OR10J1: variants seen among roughly 807,000 people sequenced by gnomAD.
OR10J1 encodes the protein olfactory receptor 10J1.
For missense variants in OR10J1, 474 were observed against 376.6 expected, an observed-to-expected ratio of 1.26 and a Z score of -2.14; for synonymous variants, 202 against 143.8, an observed-to-expected ratio of 1.40 and a Z score of -2.89.
chr1:159,435,852 G>T (rs966201886), upstream of OR10J1, among the ~76,000 whole-genome samples: 22 of 152,128 alleles, frequency 1.4e-4, no homozygotes, highest in Non-Finnish European at 1.3e-4. Context: ...TGGCTGTTTT[G>T]CCAGCTTTGT....
At chr1:159,439,684 G>A, upstream of OR10J1, 1 of 1,359,428 alleles carries the variant, frequency 7.4e-7, no homozygotes. Flanking sequence ...CACCAGATTT[G>A]TAACTGAGAA....
chr1:159,408,929 T>C, the OR10J1 span, among the ~76,000 whole-genome samples: 1 of 152,064 alleles, frequency 6.6e-6, no homozygotes, highest in African/African-American at 2.4e-5. Flanking sequence ...TTAAAGAGGC[T>C]GAGTCCTTGG....
the OR10J1 span, among the ~76,000 whole-genome samples, chr1:159,414,399 A>C: frequency 6.6e-6 from 1 of 152,046 alleles, no homozygotes; most frequent in Non-Finnish European, 1.5e-5. Flanking sequence ...AGTTCCATCC[A>C]TGTTGCTTCA....
the OR10J1 span, among the ~76,000 whole-genome samples, chr1:159,409,659 C>G: frequency 6.6e-6 from 1 of 151,996 alleles, no homozygotes; most frequent in Non-Finnish European, 1.5e-5. Flanking sequence ...CTAATCTATC[C>G]ATAATGATAA....
the OR10J1 span, among the ~76,000 whole-genome samples, chr1:159,430,013 C>T: frequency 2.0e-5 from 3 of 152,098 alleles, no homozygotes; most frequent in East Asian, 1.9e-4. Flanking sequence ...CATTTCAGGA[C>T]TTGATGCAGG....
rs1433519631 is a variant in OR10J1 at position 159,440,482 on chromosome 1, G to A, written c.691G>A (p.Glu231Lys). 6.2e-7 allele frequency: 1 copy of A among 1,614,100 alleles called. No individual in the cohort carries two copies. Among genetic ancestry groups the A allele is most frequent in the Non-Finnish European group, 8.5e-7 (1 of 1,180,020 alleles). The change falls in exon 1 of 1, where the codon GAG becomes AAG. Residue 231 changes from glutamate (E) to lysine (K), a missense_variant. Glu to Lys is a moderately conservative substitution (Grantham distance 56, BLOSUM62 1). Coordinates refer to ENST00000423932, the MANE Select transcript of OR10J1 (RefSeq NM_012351.3). ...TACAATCCTCAAGATTGCTTCAGTTGAGGGCCGGAAGAAGGCTTTTGCCAC... is the reference window on the plus strand; with the variant it reads ...TACAATCCTCAAGATTGCTTCAGTTAAGGGCCGGAAGAAGGCTTTTGCCAC... ...ISTILKIASV[E>K]GRKKAFATCA...
the OR10J1 span, among the ~76,000 whole-genome samples, chr1:159,425,915 A>G: frequency 6.6e-6 from 1 of 152,034 alleles, no homozygotes; most frequent in African/African-American, 2.4e-5. Context: ...TGCCTCCAAA[A>G]GGCAAGAATT....
At chr1:159,414,381 T>C in the OR10J1 span, among the ~76,000 whole-genome samples, 2 of 152,110 alleles carry the variant, frequency 1.3e-5, no homozygotes, top group Admixed American at 6.6e-5. Context: ...TTTCACTTAA[T>C]GACCTCCAGT....
chr1:159,420,670 G>A, the OR10J1 span, among the ~76,000 whole-genome samples: 1 of 151,834 alleles, frequency 6.6e-6, no homozygotes, highest in Non-Finnish European at 1.5e-5. Flanking sequence ...ACTTTGTTAG[G>A]CATAAAATCC....
the OR10J1 span, among the ~76,000 whole-genome samples, chr1:159,416,000 TA>T: frequency 6.6e-6 from 1 of 152,040 alleles, no homozygotes; most frequent in Admixed American, 6.6e-5. Flanking sequence ...TATTCATGTA[TA>T]AAAATGCCAT....
rs1318265903 is a variant in OR10J1, at chr1:159,440,794, C to T, written c.*73C>T. On this transcript the variant is annotated 3_prime_UTR_variant, in exon 1 of 1. Transcript: ENST00000423932. ...GGAATATGAGGTGTAAACTCACAAA[C>T]ACTTGGCTCCTAGAGACCTGCCCCT... 7 of 1,489,960 alleles carry T rather than the reference C, an allele frequency of 4.7e-6. No individual in the cohort carries two copies. The Admixed American group carries it at 1.0e-4, about 22-fold the overall frequency. The allele number at this position is 1,489,960 out of a possible 1,614,324, so 92.3% of individuals were successfully genotyped here.
the OR10J1 span, among the ~76,000 whole-genome samples, chr1:159,403,967 A>G: frequency 6.6e-6 from 1 of 152,144 alleles, no homozygotes; most frequent in Admixed American, 6.6e-5. Context: ...TTGCAACAAC[A>G]TGAATGGAAC....
the OR10J1 span, among the ~76,000 whole-genome samples, chr1:159,412,447 C>A: frequency 6.7e-6 from 1 of 149,930 alleles, no homozygotes; most frequent in Non-Finnish European, 1.5e-5. Context: ...TACTACAAGG[C>A]TACAGTAACC....
chr1:159,411,945 C>G, the OR10J1 span, among the ~76,000 whole-genome samples: 2 of 152,122 alleles, frequency 1.3e-5, no homozygotes, highest in African/African-American at 2.4e-5. Flanking sequence ...ACCCCATTCT[C>G]TCAGCCCAAA....
upstream of OR10J1, among the ~76,000 whole-genome samples, chr1:159,434,600 T>C (rs761806785): frequency 6.6e-6 from 1 of 152,082 alleles, no homozygotes; most frequent in Non-Finnish European, 1.5e-5. Flanking sequence ...GCTAAAACAG[T>C]ATGATATTGT....
chr1:159,410,320 T>G, the OR10J1 span, among the ~76,000 whole-genome samples: 1 of 152,186 alleles, frequency 6.6e-6, no homozygotes, highest in Non-Finnish European at 1.5e-5. Context: ...TGTGAATCCA[T>G]CTGGTCCTGG....
chr1:159,420,022 T>G, the OR10J1 span, among the ~76,000 whole-genome samples: 2 of 152,160 alleles, frequency 1.3e-5, no homozygotes, highest in Admixed American at 6.5e-5. Context: ...TGCATATATG[T>G]TTATAATTTT....
At chr1:159,422,026 T>C in the OR10J1 span, among the ~76,000 whole-genome samples, 2 of 152,136 alleles carry the variant, frequency 1.3e-5, no homozygotes, top group African/African-American at 4.8e-5. Flanking sequence ...GTTGCTGCAA[T>C]GCGCTGTACA....
the OR10J1 span, among the ~76,000 whole-genome samples, chr1:159,417,877 G>A: frequency 6.6e-6 from 1 of 152,172 alleles, no homozygotes; most frequent in Non-Finnish European, 1.5e-5. Context: ...ATGAAATCCA[G>A]GCTGTGGTGG....
Sources: gnomAD v4.1 joint callset for allele counts (sites outside exome capture counted in the v4.1 genomes callset) on GRCh38, gnomAD v4.1.1 for gene constraint, MANE v1.5 for transcripts, NCBI Gene and HGNC (gene_info 2026-07-23, HGNC 2026-07-21) for gene names.